CADPS: variants seen among roughly 807,000 people sequenced by gnomAD.
CADPS encodes calcium dependent secretion activator, also known as calcium-dependent secretion activator 1.
In CADPS, 57 loss-of-function variants were observed where a neutral mutation model predicts 167.3. That is an observed-to-expected ratio of 0.34 (90% CI 0.28 to 0.42). The LOEUF is 0.42. Among genes scored for constraint, CADPS ranks in the 20% least tolerant of loss-of-function variants. The pLI, the probability that CADPS is intolerant of heterozygous loss-of-function variation, is 1.00. For missense variants in CADPS, 1,414 were observed against 1,738.1 expected (o/e 0.81, Z 3.32); for synonymous variants, 676 against 635.3 (o/e 1.06, Z -0.96).
chr3:62,822,654 C>T (rs192301722), intron 1 of CADPS, among the ~76,000 whole-genome samples: 1 of 152,214 alleles, frequency 6.6e-6, no homozygotes, highest in African/African-American at 2.4e-5. Flanking sequence ...CCAGCCTGGC[C>T]TACACGGTGA....
Position 62,437,075 on chromosome 3 carries a change from G to A in CADPS, c.3777+1029C>T, listed in dbSNP as rs1282367483. On this transcript the variant is annotated intron_variant, in intron 28 of 29. Coordinates refer to ENST00000383710, the MANE Select transcript of CADPS (RefSeq NM_003716.4). ...CACAGAAAAAAAAAAATAGAAACAT[G>A]GATTCCATAGTAGACCAAAACATTA... is the stretch of plus-strand genomic sequence containing the variant. Among the ~76,000 whole-genome samples the A allele has an allele frequency of 1.4e-4, 21 of 151,782 alleles. 1 individual carries two copies. The highest frequency in any genetic ancestry group is 2.9e-4 in the Non-Finnish European group (20 of 67,934).
At position 62,467,230 on chromosome 3, in the gene CADPS, A is replaced by G. The variant is rs113167880; in HGVS notation, c.3478-817T>C. The G allele has an allele frequency of 3.7e-5, 27 of 728,140 alleles. 1 individual carries two copies. The highest frequency in any genetic ancestry group is 2.5e-4 in the African/African-American group (13 of 51,834). The allele number at this position is 728,140 out of a possible 1,614,324, so 45.1% of individuals were successfully genotyped here. A position where few individuals can be genotyped will look rare whatever the true frequency, so the allele number is the denominator to read the frequency against. Reference sequence around the variant, plus strand: ...GATCATTTTAGTATCCATTTGAATTATCCCATATTTCCCTAACAAAAAATA... The same window carrying G: ...GATCATTTTAGTATCCATTTGAATTGTCCCATATTTCCCTAACAAAAAATA... On this transcript the variant is annotated intron_variant, in intron 24 of 29. Coordinates refer to ENST00000383710, the MANE Select transcript of CADPS (RefSeq NM_003716.4).
chr3:62,474,627 C>A (rs1296924320), intron 23 of CADPS, among the ~76,000 whole-genome samples: 1 of 152,044 alleles, frequency 6.6e-6, no homozygotes, highest in Admixed American at 6.6e-5. Context: ...CACAAAAACT[C>A]GATTATAGCA....
intron 3 of CADPS, among the ~76,000 whole-genome samples, chr3:62,700,961 G>A (rs578034049): frequency 6.6e-6 from 1 of 152,150 alleles, no homozygotes; most frequent in African/African-American, 2.4e-5. Flanking sequence ...CCCCCTTCAG[G>A]CTTGCAGATG....
intron 27 of CADPS, among the ~76,000 whole-genome samples, chr3:62,441,913 C>T (rs2056377972): frequency 6.6e-6 from 1 of 152,118 alleles, no homozygotes; most frequent in South Asian, 2.1e-4. Context: ...CCATTGGTTT[C>T]CCAACTTGTA....
chr3:62,829,675 C>G (rs1326606505), intron 1 of CADPS, among the ~76,000 whole-genome samples: 2 of 152,138 alleles, frequency 1.3e-5, no homozygotes, highest in Non-Finnish European at 2.9e-5. Flanking sequence ...ACTAGACACT[C>G]TCTGGGTTCT....
intron 9 of CADPS, among the ~76,000 whole-genome samples, chr3:62,558,866 G>C (rs1362789239): frequency 1.3e-5 from 2 of 152,196 alleles, no homozygotes; most frequent in Non-Finnish European, 2.9e-5. Flanking sequence ...CTGGGTCACT[G>C]AGAGTATTTT....
At chr3:62,481,126 A>G (rs2061956097) in intron 22 of CADPS, among the ~76,000 whole-genome samples, 1 of 152,230 alleles carries the variant, frequency 6.6e-6, no homozygotes, top group East Asian at 1.9e-4. Context: ...ACCATATTGT[A>G]CTGTGACCTT....
At chr3:62,545,559 G>A (rs1375652816) in intron 11 of CADPS, among the ~76,000 whole-genome samples, 1 of 152,070 alleles carries the variant, frequency 6.6e-6, no homozygotes, top group Non-Finnish European at 1.5e-5. Flanking sequence ...AAAGGTTGGT[G>A]AAACCCTCCC....
chr3:62,668,338 T>C (rs943868014), intron 3 of CADPS, among the ~76,000 whole-genome samples: 7 of 152,164 alleles, frequency 4.6e-5, no homozygotes, highest in Non-Finnish European at 7.4e-5. Context: ...CTCAGACTAA[T>C]GGTGTGGCCC....
intron 1 of CADPS, among the ~76,000 whole-genome samples, chr3:62,824,667 G>A (rs1214396263): frequency 6.6e-6 from 1 of 152,100 alleles, no homozygotes; most frequent in Non-Finnish European, 1.5e-5. Flanking sequence ...CACAGCACAA[G>A]TGAAGCATAT....
chr3:62,739,246 C>T (rs1468620150), intron 3 of CADPS, among the ~76,000 whole-genome samples: 1 of 152,178 alleles, frequency 6.6e-6, no homozygotes, highest in African/African-American at 2.4e-5. Flanking sequence ...ATCATTCCAA[C>T]TGAAGTTATC....
chr3:62,593,500 G>A (rs2086545054), intron 6 of CADPS, among the ~76,000 whole-genome samples: 1 of 152,134 alleles, frequency 6.6e-6, no homozygotes, highest in Non-Finnish European at 1.5e-5. Flanking sequence ...TATCCATTCT[G>A]TGCCTGCAAG....
chr3:62,718,375 C>T (rs17066998), intron 3 of CADPS, among the ~76,000 whole-genome samples: 13,675 of 152,216 alleles, frequency 0.09, 754 homozygotes, highest in East Asian at 0.14. Context: ...TCTGAAGCTA[C>T]GTAGGTCAAA....
At chr3:62,569,909 C>T (rs1208497481) in intron 9 of CADPS, among the ~76,000 whole-genome samples, 3 of 152,062 alleles carry the variant, frequency 2.0e-5, no homozygotes, top group Non-Finnish European at 4.4e-5. Context: ...AAACACCCTC[C>T]CCTACCAAAA....
At chr3:62,689,597 C>A (rs932985594) in intron 3 of CADPS, among the ~76,000 whole-genome samples, 5 of 152,004 alleles carry the variant, frequency 3.3e-5, no homozygotes, top group African/African-American at 1.2e-4. Flanking sequence ...GGTTGTAGGG[C>A]ATAAAAAATT....
chr3:62,676,631 G>C (rs778375887), intron 3 of CADPS, among the ~76,000 whole-genome samples: 18 of 152,178 alleles, frequency 1.2e-4, no homozygotes, highest in Admixed American at 2.6e-4. Flanking sequence ...CGGTGTTGAT[G>C]GTGTTTCACC....
intron 6 of CADPS, among the ~76,000 whole-genome samples, chr3:62,616,805 TA>T (rs1223258492): frequency 2.6e-5 from 4 of 152,218 alleles, no homozygotes; most frequent in African/African-American, 9.6e-5. Context: ...AGTTTTCGTC[TA>T]ATGCTACAGA....
chr3:62,659,836 A>C (rs757575476), intron 4 of CADPS, among the ~76,000 whole-genome samples: 6 of 152,222 alleles, frequency 3.9e-5, no homozygotes, highest in Non-Finnish European at 8.8e-5. Context: ...CGAACATTGC[A>C]GAAGACAGTC....
Sources: allele counts gnomAD v4.1 joint callset (sites outside exome capture counted in the v4.1 genomes callset), GRCh38; gene constraint gnomAD v4.1.1; transcripts MANE v1.5; gene names NCBI Gene and HGNC (gene_info 2026-07-23, HGNC 2026-07-21).